NPAS3: variants seen among roughly 807,000 people sequenced by gnomAD.
NPAS3 encodes the protein neuronal PAS domain protein 3.
NPAS3 carries 14 observed loss-of-function variants against 73.1 expected under a neutral mutation model. That is an observed-to-expected ratio of 0.19 (90% CI 0.13 to 0.30). The LOEUF is 0.30. Ranked by LOEUF, NPAS3 falls within the 10% of genes least tolerant of loss-of-function variation. The pLI is 1.00. For synonymous variants in NPAS3, 620 were observed against 541.5 expected, an observed-to-expected ratio of 1.14 and a Z score of -2.01; for missense variants, 1,096 against 1,250.0, an observed-to-expected ratio of 0.88 and a Z score of 1.86.
At chr14:33,432,728 A>G (rs2048834218) in intron 4 of NPAS3, among the ~76,000 whole-genome samples, 1 of 152,198 alleles carries the variant, frequency 6.6e-6, no homozygotes, top group South Asian at 2.1e-4. Context: ...TGAATGCATC[A>G]CTGAAACCTG....
At chr14:33,382,345 T>C (rs754849185) in intron 4 of NPAS3, among the ~76,000 whole-genome samples, 2 of 152,322 alleles carry the variant, frequency 1.3e-5, no homozygotes, top group East Asian at 1.9e-4. Flanking sequence ...TTTCAATCGA[T>C]ACCTAAATTA....
chr14:33,650,037 C>T (rs561576299), intron 5 of NPAS3, among the ~76,000 whole-genome samples: 4 of 152,312 alleles, frequency 2.6e-5, no homozygotes, highest in African/African-American at 7.2e-5. Context: ...TCCCTGGCCC[C>T]GTCCCAGGAC....
intron 4 of NPAS3, among the ~76,000 whole-genome samples, chr14:33,429,766 A>G (rs12879329): frequency 0.054 from 8,254 of 152,248 alleles, 320 homozygotes; most frequent in Non-Finnish European, 0.073. Context: ...CTAAAAAGGT[A>G]CATTTTGAAA....
intron 7 of NPAS3, among the ~76,000 whole-genome samples, chr14:33,763,816 A>G (rs1418707549): frequency 7.1e-6 from 1 of 141,380 alleles, no homozygotes; most frequent in Non-Finnish European, 1.5e-5. Context: ...ATCACTAAAG[A>G]ATTTTTTATC....
intron 4 of NPAS3, among the ~76,000 whole-genome samples, chr14:33,472,915 T>C (rs77527940): frequency 8.0e-5 from 12 of 150,826 alleles, no homozygotes; most frequent in Admixed American, 4.6e-4. Flanking sequence ...AACCTAGAGA[T>C]AGAATGCGGA....
intron 4 of NPAS3, among the ~76,000 whole-genome samples, chr14:33,410,352 C>A (rs2047867565): frequency 6.6e-6 from 1 of 152,158 alleles, no homozygotes; most frequent in South Asian, 2.1e-4. Flanking sequence ...CTTTCCATAT[C>A]TGTCAGAGTA....
At chr14:33,680,648 CCT>C in intron 6 of NPAS3, 1 of 702,758 alleles carries the variant, frequency 1.4e-6, no homozygotes, top group Non-Finnish European at 2.6e-6. Context: ...CTGTAGGACC[CCT>C]GTCAGGAAGA....
chr14:32,992,603 G>A (rs533732075), intron 1 of NPAS3, among the ~76,000 whole-genome samples: 1 of 152,256 alleles, frequency 6.6e-6, no homozygotes, highest in Admixed American at 6.5e-5. Context: ...AAGTGTAGGA[G>A]AAAGTAAGTA....
chr14:33,466,476 T>A (rs1241098278), intron 4 of NPAS3, among the ~76,000 whole-genome samples: 2 of 152,242 alleles, frequency 1.3e-5, no homozygotes, highest in Non-Finnish European at 2.9e-5. Context: ...ATCTAGCAAT[T>A]GTATGCCTTT....
At chr14:33,492,286 T>C (rs761663067) in intron 4 of NPAS3, among the ~76,000 whole-genome samples, 2 of 152,104 alleles carry the variant, frequency 1.3e-5, no homozygotes, top group African/African-American at 2.4e-5. Context: ...GCTGTGATAA[T>C]AGGCACATCT....
At chr14:33,421,306 A>G (rs956900912) in intron 4 of NPAS3, among the ~76,000 whole-genome samples, 1 of 151,898 alleles carries the variant, frequency 6.6e-6, no homozygotes, top group Non-Finnish European at 1.5e-5. Flanking sequence ...ACCTCTCACT[A>G]CAGCCCATCA....
chr14:33,720,852 C>A (rs1345125550), intron 6 of NPAS3, among the ~76,000 whole-genome samples: 1 of 152,062 alleles, frequency 6.6e-6, no homozygotes, highest in Non-Finnish European at 1.5e-5. Context: ...AATCCTCAAT[C>A]ATTTGTTAAT....
intron 6 of NPAS3, among the ~76,000 whole-genome samples, chr14:33,732,265 C>T (rs1458395757): frequency 6.6e-6 from 1 of 152,140 alleles, no homozygotes; most frequent in Non-Finnish European, 1.5e-5. Flanking sequence ...TTCAGTGCCA[C>T]AGTGGGGTCA....
chr14:33,374,377 G>C (rs17491433), intron 4 of NPAS3, among the ~76,000 whole-genome samples: 1 of 151,978 alleles, frequency 6.6e-6, no homozygotes, highest in Non-Finnish European at 1.5e-5. Flanking sequence ...TTGAAGATTG[G>C]TAAAGGGCAT....
intron 1 of NPAS3, among the ~76,000 whole-genome samples, chr14:32,953,765 A>C (rs2036574925): frequency 6.6e-6 from 1 of 152,148 alleles, no homozygotes; most frequent in Admixed American, 6.6e-5. Context: ...AGAGGGTCAA[A>C]TGATACCTGC....
At chr14:32,989,562 T>G (rs928228700) in intron 1 of NPAS3, among the ~76,000 whole-genome samples, 12 of 151,830 alleles carry the variant, frequency 7.9e-5, no homozygotes, top group Non-Finnish European at 1.6e-4. Flanking sequence ...GAGAATGGCG[T>G]GAACCCCAGG....
intron 4 of NPAS3, among the ~76,000 whole-genome samples, chr14:33,476,926 A>G (rs1252883159): frequency 1.3e-5 from 2 of 152,220 alleles, no homozygotes; most frequent in Admixed American, 1.3e-4. Flanking sequence ...TAAAATGCCC[A>G]TGATTTCAAA....
At chr14:33,157,141 G>C (rs1015273133) in intron 2 of NPAS3, among the ~76,000 whole-genome samples, 2 of 152,298 alleles carry the variant, frequency 1.3e-5, no homozygotes, top group African/African-American at 4.8e-5. Flanking sequence ...TTGGTATGTA[G>C]TCCTTACTGC....
At chr14:33,432,519 C>T (rs2048825593) in intron 4 of NPAS3, among the ~76,000 whole-genome samples, 1 of 152,060 alleles carries the variant, frequency 6.6e-6, no homozygotes, top group Non-Finnish European at 1.5e-5. Flanking sequence ...CTTTGCTAAA[C>T]CTCAATATAA....
Sources: gnomAD v4.1 joint callset for allele counts (sites outside exome capture counted in the v4.1 genomes callset) on GRCh38, gnomAD v4.1.1 for gene constraint, MANE v1.5 for transcripts, NCBI Gene and HGNC (gene_info 2026-07-23, HGNC 2026-07-21) for gene names.